DPY19L2: variants seen among roughly 807,000 people sequenced by gnomAD.
DPY19L2 encodes probable C-mannosyltransferase DPY19L2.
DPY19L2 carries 34 observed loss-of-function variants against 97.9 expected under a neutral mutation model. That is an observed-to-expected ratio of 0.35 (90% confidence interval 0.26 to 0.46). The LOEUF is 0.46. DPY19L2 is among the 20% of genes least tolerant of loss of function. DPY19L2 has a pLI of 1.00. For missense variants in DPY19L2, 623 were observed against 911.4 expected, an observed-to-expected ratio of 0.68 and a Z score of 4.07; for synonymous variants, 230 against 307.9, an observed-to-expected ratio of 0.75 and a Z score of 2.65.
chr12:63,603,329 T>C (rs1885494624), intron 12 of DPY19L2, among the ~76,000 whole-genome samples: 1 of 152,202 alleles, frequency 6.6e-6, no homozygotes, highest in Non-Finnish European at 1.5e-5. Flanking sequence ...TTCCCTACAT[T>C]CTAGGATTCC....
intron 6 of DPY19L2, among the ~76,000 whole-genome samples, chr12:63,640,214 A>G (rs11175089): frequency 0.71 from 108,145 of 151,994 alleles, 39,388 homozygotes; most frequent in African/African-American, 0.87. Flanking sequence ...GGTTGGGGGA[A>G]GAAGGAGGGA....
In DPY19L2 at chr12:63,624,027, A is replaced by C; in HGVS notation, c.953+13T>G. ...TATAATTTATTTGCCTTCGTTTTAT[A>C]AATCGAAGTTACCTGAGAATCAAAG... On this transcript the variant is annotated intron_variant, in intron 8 of 21. Coordinates refer to ENST00000324472, the MANE Select transcript of DPY19L2 (RefSeq NM_173812.5). The C allele has an allele frequency of 6.3e-7, 1 of 1,586,142 alleles. No individual in the cohort carries two copies. Among genetic ancestry groups the C allele is most frequent in the Non-Finnish European group, 8.6e-7 (1 of 1,157,010 alleles).
chr12:63,643,480 G>T (rs867345057), intron 6 of DPY19L2, among the ~76,000 whole-genome samples: 2 of 151,884 alleles, frequency 1.3e-5, no homozygotes, highest in Non-Finnish European at 1.5e-5. Flanking sequence ...TAAATGTTTT[G>T]CATGACAAGA....
rs542057826 is a variant in DPY19L2 at position 63,621,630 on chromosome 12, C to A, written c.954-293G>T. On this transcript the variant is annotated intron_variant, in intron 8 of 21. Coordinates refer to ENST00000324472, the MANE Select transcript of DPY19L2 (RefSeq NM_173812.5). ...TGCATGACATTAGAAATTTATTACTCCAGCAAGGAGGTCAGAAAATAGGAT... is the reference window on the plus strand; with the variant it reads ...TGCATGACATTAGAAATTTATTACTACAGCAAGGAGGTCAGAAAATAGGAT... Among the ~76,000 whole-genome samples, 36 of 152,234 alleles carry A rather than the reference C, an allele frequency of 2.4e-4. 1 individual carries two copies. In the South Asian group the frequency reaches 7.3e-3, roughly 31 times the overall value.
chr12:63,657,748 G>A lies in DPY19L2; in HGVS notation c.588+3596C>T, dbSNP rs1276562169. ...TCCTGTCCCCTAGCCAGCACCATAG[G>A]GAAAACTTTCTCTAAATACTTCCCC... On this transcript the variant is annotated intron_variant, in intron 4 of 21. Coordinates refer to ENST00000324472, the MANE Select transcript of DPY19L2 (RefSeq NM_173812.5). Among the ~76,000 whole-genome samples the A allele has an allele frequency of 2.6e-5, 4 of 152,158 alleles. 1 individual carries two copies. The highest frequency in any genetic ancestry group is 2.6e-4 in the Admixed American group (4 of 15,278).
intron 6 of DPY19L2, among the ~76,000 whole-genome samples, chr12:63,642,170 A>G (rs1482191008): frequency 6.6e-6 from 1 of 152,108 alleles, no homozygotes; most frequent in African/African-American, 2.4e-5. Flanking sequence ...CTGTATTCCA[A>G]GCACCTAGAA....
At chr12:63,619,183 A>G (rs549704053) in intron 9 of DPY19L2, among the ~76,000 whole-genome samples, 2 of 152,160 alleles carry the variant, frequency 1.3e-5, no homozygotes, top group South Asian at 2.1e-4. Flanking sequence ...GCTCACGCCT[A>G]TAATCCCAGC....
chr12:63,650,154 T>C (rs1422164018), intron 4 of DPY19L2, among the ~76,000 whole-genome samples: 1 of 152,124 alleles, frequency 6.6e-6, no homozygotes. Flanking sequence ...AAAGTAGGCA[T>C]TGAAGGAACA....
At chr12:63,600,202 C>T in intron 13 of DPY19L2, 104 bp downstream of exon 13, 1 of 915,180 alleles carries the variant, frequency 1.1e-6, no homozygotes, top group South Asian at 1.5e-5. Flanking sequence ...TTAGAGAAGG[C>T]ACTTAACCTC....
chr12:63,628,849 G>A (rs1487261916), intron 6 of DPY19L2, among the ~76,000 whole-genome samples: 1 of 150,904 alleles, frequency 6.6e-6, no homozygotes, highest in Non-Finnish European at 1.5e-5. Flanking sequence ...ACACAGCCGG[G>A]TACTCCTCTG....
At chr12:63,597,969 A>T in intron 13 of DPY19L2, 59 bp from the exon 14 acceptor site, 1 of 1,276,958 alleles carries the variant, frequency 7.8e-7, no homozygotes, top group East Asian at 2.4e-5. Context: ...GCCTATAGAC[A>T]GTAATACTTT....
At chr12:63,633,964 CA>C (rs765582076) in intron 6 of DPY19L2, among the ~76,000 whole-genome samples, 4 of 151,428 alleles carry the variant, frequency 2.6e-5, no homozygotes, top group Non-Finnish European at 5.9e-5. Flanking sequence ...ATCGCAAAGA[CA>C]AAAAACCAAA....
At chr12:63,650,163 C>T (rs1466466658) in intron 4 of DPY19L2, among the ~76,000 whole-genome samples, 4 of 152,086 alleles carry the variant, frequency 2.6e-5, no homozygotes, top group Non-Finnish European at 5.9e-5. Context: ...ATTGAAGGAA[C>T]ATACCTCAAA....
intron 4 of DPY19L2, among the ~76,000 whole-genome samples, chr12:63,653,025 C>T (rs1352322664): frequency 6.6e-6 from 1 of 151,918 alleles, no homozygotes; most frequent in African/African-American, 2.4e-5. Context: ...AAATAAAAAA[C>T]CTTAAATAAT....
chr12:63,666,286 G>T (rs1896328706), intron 1 of DPY19L2, among the ~76,000 whole-genome samples: 1 of 152,216 alleles, frequency 6.6e-6, no homozygotes, highest in Admixed American at 6.5e-5. Flanking sequence ...TTCATCAGAA[G>T]ATGATTAAAT....
chr12:63,610,073 T>C (rs568103659), intron 11 of DPY19L2, among the ~76,000 whole-genome samples: 7 of 149,818 alleles, frequency 4.7e-5, no homozygotes, highest in Non-Finnish European at 1.0e-4. Context: ...TGAACTGATA[T>C]TCAGGATAGG....
chr12:63,631,358 G>A (rs549704717), intron 6 of DPY19L2, among the ~76,000 whole-genome samples: 115 of 151,962 alleles, frequency 7.6e-4, no homozygotes, highest in Non-Finnish European at 1.4e-3. Context: ...TCAAATAGAC[G>A]CAATAAAAAA....
At chr12:63,640,221 G>A (rs1471297520) in intron 6 of DPY19L2, among the ~76,000 whole-genome samples, 3 of 152,114 alleles carry the variant, frequency 2.0e-5, no homozygotes, top group Non-Finnish European at 4.4e-5. Flanking sequence ...GGAAGAAGGA[G>A]GGATAGCATT....
At chr12:63,609,334 A>C (rs1592554414) in intron 11 of DPY19L2, among the ~76,000 whole-genome samples, 1 of 152,212 alleles carries the variant, frequency 6.6e-6, no homozygotes, top group African/African-American at 2.4e-5. Context: ...CTATACCTGC[A>C]GTGCTATGAA....
Sources: gnomAD v4.1 joint callset for allele counts (sites outside exome capture counted in the v4.1 genomes callset) on GRCh38, gnomAD v4.1.1 for gene constraint, MANE v1.5 for transcripts, NCBI Gene and HGNC (gene_info 2026-07-23, HGNC 2026-07-21) for gene names.